The following KLF16 variants were observed in gnomAD, a reference collection of about 807,000 sequenced individuals.
KLF16 encodes Krueppel-like factor 16.
In KLF16, 6 loss-of-function variants were observed where a neutral mutation model predicts 6.1. The ratio of observed to expected loss-of-function variants is 0.98; its 90% CI spans 0.54 to 1.93. The LOEUF (loss-of-function observed/expected upper bound fraction) is 1.93. KLF16 is among the 30% of genes most tolerant of loss of function. The pLI is 0.01. For synonymous variants in KLF16, 211 were observed against 176.5 expected (o/e 1.20, Z -1.55); for missense variants, 355 against 363.8 (o/e 0.98, Z 0.20).
upstream of KLF16, among the ~76,000 whole-genome samples, chr19:1,864,426 G>A (rs2012149939): frequency 1.3e-5 from 2 of 151,236 alleles, no homozygotes. Context: ...CGCGCCCGCG[G>A]CGGGGCCCGG....
upstream of KLF16, among the ~76,000 whole-genome samples, chr19:1,868,313 G>A (rs961187966): frequency 6.6e-6 from 1 of 152,054 alleles, no homozygotes; most frequent in Non-Finnish European, 1.5e-5. Flanking sequence ...TGCACCAGGG[G>A]GCCGAGGTCA....
At chr19:1,863,019 C>G in intron 1 of KLF16, 22 bp downstream of exon 1, 1 of 1,293,832 alleles carries the variant, frequency 7.7e-7, no homozygotes, top group Non-Finnish European at 1.0e-6. Flanking sequence ...CCCGCAAGGG[C>G]CGGGATCGCG....
chr19:1,867,461 G>C (rs180847819), upstream of KLF16, among the ~76,000 whole-genome samples: 454 of 152,364 alleles, frequency 3.0e-3, 3 homozygotes, highest in Non-Finnish European at 4.6e-3. Context: ...TGTGGTCCCA[G>C]CTCTTCGGGA....
chr19:1,854,829 A>G (rs1777799178), intron 1 of KLF16, 69 bp from the exon 2 acceptor site: 2 of 1,527,468 alleles, frequency 1.3e-6, no homozygotes, highest in Non-Finnish European at 1.8e-6. Context: ...ACGTTCCAGC[A>G]GATCCCAAAG....
At chr19:1,859,061 G>A (rs2012010401) in intron 1 of KLF16, among the ~76,000 whole-genome samples, 1 of 152,020 alleles carries the variant, frequency 6.6e-6, no homozygotes, top group Non-Finnish European at 1.5e-5. Context: ...GTGGGGGAGG[G>A]CAGTCCCTGG....
chr19:1,869,282 GC>G, the KLF16 span, among the ~76,000 whole-genome samples: 2 of 152,168 alleles, frequency 1.3e-5, no homozygotes, highest in Non-Finnish European at 2.9e-5. Flanking sequence ...TTCGAAACCA[GC>G]CTGGCCAACA....
intron 1 of KLF16, 177 bp downstream of exon 1, chr19:1,862,864 C>A: frequency 4.4e-6 from 1 of 229,380 alleles, no homozygotes; most frequent in Non-Finnish European, 8.1e-6. Flanking sequence ...ACCGCGTGGC[C>A]GCCACGCCCC....
chr19:1,872,613 G>A, the KLF16 span, among the ~76,000 whole-genome samples: 10 of 152,352 alleles, frequency 6.6e-5, no homozygotes, highest in Admixed American at 5.2e-4. Flanking sequence ...GTGCTGGGGA[G>A]AGAATAGGCT....
In KLF16 at chr19:1,857,543, A is replaced by T. The variant is rs1039079426; in HGVS notation, c.458-2783T>A. Among the ~76,000 whole-genome samples the T allele has an allele frequency of 6.6e-6, 1 of 152,022 alleles. No homozygotes were observed. Among genetic ancestry groups the T allele is most frequent in the African/African-American group, 2.4e-5 (1 of 41,404 alleles). Reference sequence around the variant, plus strand: ...AAATGGAGTCCAGGAAGTCCTGGAAACCTGGCCCGGCCCCGTCTGAGCCGG... The same window carrying T: ...AAATGGAGTCCAGGAAGTCCTGGAATCCTGGCCCGGCCCCGTCTGAGCCGG... On this transcript the variant is annotated intron_variant, in intron 1 of 1. Transcript: ENST00000250916. This position sits in a 1 kb window ranked among gnomAD's most constrained non-coding sequence, Gnocchi z 4.7.
At chr19:1,873,334 G>A in the KLF16 span, among the ~76,000 whole-genome samples, 5 of 152,144 alleles carry the variant, frequency 3.3e-5, no homozygotes, top group Admixed American at 6.5e-5. Flanking sequence ...CCTGGGCACC[G>A]CCCCAGACCT....
At chr19:1,862,228 G>T (rs1338370954) in intron 1 of KLF16, among the ~76,000 whole-genome samples, 1 of 152,126 alleles carries the variant, frequency 6.6e-6, no homozygotes, top group East Asian at 1.9e-4. Flanking sequence ...GGGACGGAGT[G>T]AAAAAATACA....
the KLF16 span, among the ~76,000 whole-genome samples, chr19:1,868,831 CAG>C: frequency 1.3e-5 from 2 of 152,110 alleles, no homozygotes; most frequent in Middle Eastern, 3.4e-3. Context: ...TTACTAGAAA[CAG>C]GGTTTCATCA....
At chr19:1,859,390 G>C (rs115249774) in intron 1 of KLF16, among the ~76,000 whole-genome samples, 2,676 of 151,618 alleles carry the variant, frequency 0.018, 75 homozygotes, top group African/African-American at 0.062. Context: ...AGCACGCCTC[G>C]ATCCCTCCCA....
the KLF16 span, among the ~76,000 whole-genome samples, chr19:1,869,845 TCAAACAATCCTCCTGCTTTGGCCTCC>T: frequency 6.6e-6 from 1 of 151,940 alleles, no homozygotes; most frequent in Non-Finnish European, 1.5e-5. Flanking sequence ...ACTTCTGGGC[TCAAACAATCCTCCTGCTTTGGCCTCC>T]CAAAGTGCTA....
At chr19:1,866,370 G>A (rs1234193527), upstream of KLF16, among the ~76,000 whole-genome samples, 1 of 152,110 alleles carries the variant, frequency 6.6e-6, no homozygotes, top group African/African-American at 2.4e-5. Context: ...CAGCACTTTG[G>A]GAGGCCGAGG....
upstream of KLF16, among the ~76,000 whole-genome samples, chr19:1,864,887 G>A (rs2145372532): frequency 6.6e-6 from 1 of 152,350 alleles, no homozygotes; most frequent in Admixed American, 6.5e-5. Context: ...GGGGCGGCGG[G>A]GACTGCGCAG....
the KLF16 span, chr19:1,874,768 A>C: frequency 1.1e-4 from 16 of 147,968 alleles, no homozygotes; most frequent in African/African-American, 4.1e-4. Flanking sequence ...AAAAAAAAAA[A>C]AAAAAAAAAC....
chr19:1,859,914 C>T (rs910899058), intron 1 of KLF16, among the ~76,000 whole-genome samples: 2 of 152,040 alleles, frequency 1.3e-5, no homozygotes, highest in Admixed American at 6.5e-5. Flanking sequence ...TGCGTAGAGG[C>T]TGGGGACACT....
the KLF16 span, chr19:1,875,780 AGACG>A: frequency 6.6e-6 from 1 of 152,488 alleles, no homozygotes; most frequent in South Asian, 2.1e-4. Flanking sequence ...CATGAAAGGC[AGACG>A]TGTTCCGAAA....
Sources: gnomAD v4.1 joint callset for allele counts (sites outside exome capture counted in the v4.1 genomes callset) on GRCh38, gnomAD v4.1.1 for gene constraint, Gnocchi (gnomAD v3.1) non-coding constraint, MANE v1.5 for transcripts, NCBI Gene and HGNC (gene_info 2026-07-23, HGNC 2026-07-21) for gene names.